Variants in SCHIP1 observed in about 807,000 individuals in gnomAD.
SCHIP1 encodes schwannomin-interacting protein 1.
Under a neutral mutation model 29.7 loss-of-function variants are expected in SCHIP1, and 8 were observed. The observed-to-expected ratio is 0.27, with a 90% CI of 0.16 to 0.49. The LOEUF is 0.49. Among genes scored for constraint, SCHIP1 ranks in the 20% least tolerant of loss-of-function variants. The pLI, the probability that SCHIP1 is intolerant of heterozygous loss-of-function variation, is 0.99. For missense variants in SCHIP1, 193 were observed against 294.6 expected (o/e 0.66, Z 2.52); for synonymous variants, 76 against 94.9 (o/e 0.80, Z 1.16).
At chr3:159,884,976 A>C (rs1160489238) in intron 2 of SCHIP1, among the ~76,000 whole-genome samples, 1 of 152,240 alleles carries the variant, frequency 6.6e-6, no homozygotes, top group African/African-American at 2.4e-5. Flanking sequence ...CAGTAATTAC[A>C]GAATTTAACA....
chr3:159,481,048 A>G, the SCHIP1 span, among the ~76,000 whole-genome samples: 22 of 152,326 alleles, frequency 1.4e-4, no homozygotes, highest in Non-Finnish European at 2.5e-4. Context: ...GGAATCTCAC[A>G]AGGTAATGTC....
chr3:159,399,033 A>G, the SCHIP1 span: 21 of 663,570 alleles, frequency 3.2e-5, no homozygotes, highest in Non-Finnish European at 3.9e-5. Flanking sequence ...CCCACCCCAA[A>G]CCCTCACTCC....
At chr3:159,857,435 T>A (rs1035009902) in intron 1 of SCHIP1, among the ~76,000 whole-genome samples, 26 of 152,312 alleles carry the variant, frequency 1.7e-4, no homozygotes, top group Middle Eastern at 3.4e-3. Context: ...ATGGCTTTTT[T>A]AAAAATTGAG....
At chr3:159,532,220 T>A in the SCHIP1 span, among the ~76,000 whole-genome samples, 2 of 152,230 alleles carry the variant, frequency 1.3e-5, no homozygotes, top group African/African-American at 4.8e-5. Flanking sequence ...AAGTATCTTT[T>A]AGCTGTTGAG....
the SCHIP1 span, among the ~76,000 whole-genome samples, chr3:159,351,002 TA>T: frequency 2.0e-5 from 3 of 152,096 alleles, no homozygotes; most frequent in African/African-American, 7.2e-5. Flanking sequence ...TATAAATATA[TA>T]AAAATTTAAA....
At chr3:159,319,246 T>G in the SCHIP1 span, among the ~76,000 whole-genome samples, 20 of 152,178 alleles carry the variant, frequency 1.3e-4, no homozygotes, top group Non-Finnish European at 2.5e-4. Context: ...ACTCACCATC[T>G]GAATGTGAGC....
chr3:159,773,533 T>C, the SCHIP1 span, among the ~76,000 whole-genome samples: 1 of 151,928 alleles, frequency 6.6e-6, no homozygotes, highest in Non-Finnish European at 1.5e-5. Flanking sequence ...GTTTTTTTTT[T>C]CTTTTAAAAA....
chr3:159,749,943 T>G, the SCHIP1 span, among the ~76,000 whole-genome samples: 10 of 152,034 alleles, frequency 6.6e-5, no homozygotes, highest in African/African-American at 2.2e-4. Flanking sequence ...ATTAGCAAAA[T>G]TGATAATATT....
At chr3:159,647,913 G>T in the SCHIP1 span, among the ~76,000 whole-genome samples, 1 of 152,114 alleles carries the variant, frequency 6.6e-6, no homozygotes, top group African/African-American at 2.4e-5. Flanking sequence ...ATTCCAGAGG[G>T]TCATGGAGAA....
chr3:159,419,144 G>A, the SCHIP1 span, among the ~76,000 whole-genome samples: 4 of 152,208 alleles, frequency 2.6e-5, no homozygotes, highest in Admixed American at 6.5e-5. Context: ...AGAGCACCAC[G>A]AACTTGTGTT....
intron 1 of SCHIP1, chr3:159,853,484 T>A: frequency 1.5e-6 from 1 of 683,322 alleles, no homozygotes; most frequent in Non-Finnish European, 2.7e-6. Flanking sequence ...CTTTTGTTTA[T>A]AAACAATTGA....
chr3:159,552,202 C>T, the SCHIP1 span, among the ~76,000 whole-genome samples: 5 of 151,930 alleles, frequency 3.3e-5, no homozygotes, highest in African/African-American at 1.2e-4. Flanking sequence ...CACGCCACCA[C>T]GTCTAGCTGG....
intron 1 of SCHIP1, among the ~76,000 whole-genome samples, chr3:159,856,536 G>C (rs1366965607): frequency 2.0e-5 from 3 of 152,176 alleles, no homozygotes; most frequent in Non-Finnish European, 4.4e-5. Flanking sequence ...TATAGAATAT[G>C]GCAGAAGACT....
chr3:159,825,476 C>T, the SCHIP1 span, among the ~76,000 whole-genome samples: 10 of 152,166 alleles, frequency 6.6e-5, no homozygotes, highest in African/African-American at 2.4e-4. Context: ...AGGAAAGCTT[C>T]ATTCATTGTC....
chr3:159,854,426 T>C (rs759126240), intron 1 of SCHIP1, among the ~76,000 whole-genome samples: 17 of 152,182 alleles, frequency 1.1e-4, no homozygotes, highest in Non-Finnish European at 2.2e-4. Context: ...ATACTGTACT[T>C]CCTAGAGGAG....
chr3:159,468,770 TATA>T, the SCHIP1 span, among the ~76,000 whole-genome samples: 1 of 126,934 alleles, frequency 7.9e-6, no homozygotes, highest in African/African-American at 3.2e-5. Context: ...TATATATATA[TATA>T]TATATTTTTT....
chr3:159,671,772 C>T, the SCHIP1 span, among the ~76,000 whole-genome samples: 2 of 152,064 alleles, frequency 1.3e-5, no homozygotes, highest in African/African-American at 4.8e-5. Flanking sequence ...TTTCCTGAGA[C>T]TGGGACTTTG....
At chr3:159,327,525 A>G in the SCHIP1 span, among the ~76,000 whole-genome samples, 1 of 152,206 alleles carries the variant, frequency 6.6e-6, no homozygotes, top group African/African-American at 2.4e-5. Context: ...TTAATTAAAG[A>G]GTCCTAGTAA....
At chr3:159,394,103 T>G in the SCHIP1 span, among the ~76,000 whole-genome samples, 1 of 151,076 alleles carries the variant, frequency 6.6e-6, no homozygotes, top group Non-Finnish European at 1.5e-5. Flanking sequence ...ACTCATGATT[T>G]GGCTCTTTGT....
Sources: allele counts gnomAD v4.1 joint callset (sites outside exome capture counted in the v4.1 genomes callset), GRCh38; gene constraint gnomAD v4.1.1; transcripts MANE v1.5; gene names NCBI Gene and HGNC (gene_info 2026-07-23, HGNC 2026-07-21).